Variants in NTRK3 observed in about 807,000 individuals in gnomAD.
NTRK3 encodes neurotrophic receptor tyrosine kinase 3.
NTRK3 carries 24 observed loss-of-function variants against 91.7 expected under a neutral mutation model. The observed-to-expected ratio is 0.26, with a 90% CI of 0.19 to 0.37. The LOEUF is 0.37. Among genes scored for constraint, NTRK3 ranks in the 10% least tolerant of loss-of-function variants. The probability of loss-of-function intolerance (pLI) is 1.00; values close to 1 mark genes in which losing one functional copy is unlikely to be tolerated. For missense variants in NTRK3, 880 were observed against 1,068.9 expected, an observed-to-expected ratio of 0.82 and a Z score of 2.46; for synonymous variants, 483 against 404.0, an observed-to-expected ratio of 1.20 and a Z score of -2.34.
At chr15:87,918,072 T>A (rs1165959039) in intron 17 of NTRK3, among the ~76,000 whole-genome samples, 1 of 152,154 alleles carries the variant, frequency 6.6e-6, no homozygotes, top group Non-Finnish European at 1.5e-5. Flanking sequence ...TTTGAGCCTG[T>A]GGGACCAGCC....
At chr15:87,948,972 A>G (rs1482569827) in intron 14 of NTRK3, among the ~76,000 whole-genome samples, 1 of 152,176 alleles carries the variant, frequency 6.6e-6, no homozygotes, top group Non-Finnish European at 1.5e-5. Flanking sequence ...TGGCAGTTGC[A>G]CAAGTCAAAA....
chr15:88,090,976 G>T (rs2048963259), intron 13 of NTRK3, among the ~76,000 whole-genome samples: 1 of 152,158 alleles, frequency 6.6e-6, no homozygotes, highest in Admixed American at 6.5e-5. Context: ...TCAAAAAAAA[G>T]AACAGCCAAT....
At chr15:87,873,910 A>T (rs879858847) in exon 19 of NTRK3, 2 of 230,352 alleles carry the variant, frequency 8.7e-6, no homozygotes, top group Non-Finnish European at 1.7e-5. Flanking sequence ...TTCAGCGGCA[A>T]CTGCCCCCCA....
intron 17 of NTRK3, among the ~76,000 whole-genome samples, chr15:87,905,273 A>ATC (rs2066695900): frequency 6.6e-6 from 1 of 152,230 alleles, no homozygotes. Context: ...AAAGTATAGC[A>ATC]TCACAGGTAG....
exon 19 of NTRK3, chr15:87,868,000 G>C (rs1298089844): frequency 1.3e-5 from 3 of 230,206 alleles, no homozygotes; most frequent in Non-Finnish European, 2.6e-5. Flanking sequence ...GAAAGTCAAA[G>C]GGTATGTGTC....
chr15:88,128,020 A>G (rs2053468942), intron 11 of NTRK3, among the ~76,000 whole-genome samples: 1 of 152,230 alleles, frequency 6.6e-6, no homozygotes, highest in African/African-American at 2.4e-5. Context: ...AGTGCCAGAA[A>G]GCCGAGGGTG....
chr15:88,025,783 T>C (rs563583784), intron 14 of NTRK3, among the ~76,000 whole-genome samples: 29 of 152,124 alleles, frequency 1.9e-4, no homozygotes, highest in Non-Finnish European at 3.4e-4. Flanking sequence ...CCTAAGAAAC[T>C]AACACAATGC....
intron 3 of NTRK3, among the ~76,000 whole-genome samples, chr15:88,236,931 C>T (rs1428943091): frequency 6.6e-6 from 1 of 152,182 alleles, no homozygotes; most frequent in Non-Finnish European, 1.5e-5. Flanking sequence ...CTGTCTCTCA[C>T]TGGGTTTGGG....
intron 15 of NTRK3, among the ~76,000 whole-genome samples, chr15:87,936,220 G>A (rs1328367518): frequency 6.6e-6 from 1 of 152,148 alleles, no homozygotes; most frequent in Non-Finnish European, 1.5e-5. Flanking sequence ...CTTGCCAAGA[G>A]GTCTCTGAAG....
chr15:87,941,840 A>G (rs2069895798), intron 14 of NTRK3, among the ~76,000 whole-genome samples: 1 of 152,226 alleles, frequency 6.6e-6, no homozygotes, highest in South Asian at 2.1e-4. Context: ...TGGGCTGGCG[A>G]TGAAAAGAGC....
Position 88,193,384 on chromosome 15 carries a change from A to G in NTRK3, c.249-9085T>C, listed in dbSNP as rs1225130424. 7.9e-5 allele frequency among the ~76,000 whole-genome samples: 12 copies of G among 152,052 alleles called. 1 individual carries two copies. Among genetic ancestry groups the G allele is most frequent in the Admixed American group, 7.9e-4 (12 of 15,274 alleles). ...GAGGTCTCAAGGGCCCCATATCCAGAGCTCCCTCCCAGGCCCAGGTCTCAG... is the reference window on the plus strand; with the variant it reads ...GAGGTCTCAAGGGCCCCATATCCAGGGCTCCCTCCCAGGCCCAGGTCTCAG... On this transcript the variant is annotated intron_variant, in intron 3 of 18. Coordinates refer to ENST00000394480, the Ensembl canonical transcript of NTRK3.
At chr15:88,165,170 C>T (rs2044817613) in intron 5 of NTRK3, among the ~76,000 whole-genome samples, 1 of 152,162 alleles carries the variant, frequency 6.6e-6, no homozygotes, top group African/African-American at 2.4e-5. Flanking sequence ...CATGTGGATG[C>T]ATGGGCCTGG....
exon 19 of NTRK3, chr15:87,871,860 A>G (rs2064834462): frequency 1.4e-5 from 3 of 221,914 alleles, no homozygotes; most frequent in Non-Finnish European, 2.7e-5. Flanking sequence ...CACTCCCAGT[A>G]TTATTAAGCA....
At chr15:88,157,955 G>A (rs2044073790) in intron 5 of NTRK3, among the ~76,000 whole-genome samples, 1 of 152,206 alleles carries the variant, frequency 6.6e-6, no homozygotes, top group African/African-American at 2.4e-5. Flanking sequence ...GGCTACAGGA[G>A]TGACTTCTGA....
At chr15:88,133,224 G>A (rs2041542935) in intron 10 of NTRK3, among the ~76,000 whole-genome samples, 1 of 152,180 alleles carries the variant, frequency 6.6e-6, no homozygotes, top group Non-Finnish European at 1.5e-5. Flanking sequence ...GAGACTAACA[G>A]AAGGGGCTGC....
At chr15:87,918,882 A>G (rs1183557815) in intron 17 of NTRK3, among the ~76,000 whole-genome samples, 1 of 152,218 alleles carries the variant, frequency 6.6e-6, no homozygotes, top group African/African-American at 2.4e-5. Flanking sequence ...GGAAGTGTTA[A>G]CTAGAGTTGA....
intron 13 of NTRK3, among the ~76,000 whole-genome samples, chr15:88,035,270 G>T (rs2078970176): frequency 6.6e-6 from 1 of 152,122 alleles, no homozygotes; most frequent in South Asian, 2.1e-4. Flanking sequence ...TGAGGCTCCA[G>T]GCGGGAACAA....
At chr15:88,168,277 A>C (rs2045178006) in intron 5 of NTRK3, among the ~76,000 whole-genome samples, 1 of 152,016 alleles carries the variant, frequency 6.6e-6, no homozygotes, top group African/African-American at 2.4e-5. Context: ...GGGTCTTCCT[A>C]GTCACTGCTA....
chr15:88,249,390 G>A (rs971374247), intron 3 of NTRK3, among the ~76,000 whole-genome samples: 1 of 152,190 alleles, frequency 6.6e-6, no homozygotes, highest in Non-Finnish European at 1.5e-5. Flanking sequence ...CTCAGAGGGA[G>A]ACACAGTCAT....
Sources: allele counts gnomAD v4.1 joint callset (sites outside exome capture counted in the v4.1 genomes callset), GRCh38; gene constraint gnomAD v4.1.1; transcripts MANE v1.5; gene names NCBI Gene and HGNC (gene_info 2026-07-23, HGNC 2026-07-21).